Variants in GDPD5 observed in about 807,000 individuals in gnomAD.
GDPD5 encodes the protein glycerophosphodiester phosphodiesterase 2.
Under a neutral mutation model 75.1 loss-of-function variants are expected in GDPD5, and 48 were observed. That is an observed-to-expected ratio of 0.64 (90% CI 0.51 to 0.81). The LOEUF is 0.81. Ranked by LOEUF, GDPD5 falls within the 40% of genes least tolerant of loss-of-function variation. The probability of loss-of-function intolerance (pLI) is 0.00; values close to 1 mark genes in which losing one functional copy is unlikely to be tolerated. For missense variants in GDPD5, 706 were observed against 822.6 expected, an observed-to-expected ratio of 0.86 and a Z score of 1.73; for synonymous variants, 336 against 339.0, an observed-to-expected ratio of 0.99 and a Z score of 0.10.
At chr11:75,515,274 G>C (rs528752969) in intron 1 of GDPD5, among the ~76,000 whole-genome samples, 1 of 152,234 alleles carries the variant, frequency 6.6e-6, no homozygotes, top group Admixed American at 6.5e-5. Flanking sequence ...CACCCCGTGG[G>C]GGCCTCCCAC....
intron 1 of GDPD5, among the ~76,000 whole-genome samples, chr11:75,506,309 A>G (rs1379698950): frequency 1.3e-5 from 2 of 152,126 alleles, no homozygotes; most frequent in Non-Finnish European, 2.9e-5. Context: ...AGCCCCAGGG[A>G]GGAAGAAGGA....
chr11:75,442,346 G>T lies in GDPD5; in HGVS notation c.1167+17C>A. 1 of 1,535,442 alleles carries T rather than the reference G, an allele frequency of 6.5e-7. No individual in the cohort carries two copies. Among genetic ancestry groups the T allele is most frequent in the Non-Finnish European group, 8.8e-7 (1 of 1,137,448 alleles). Reference sequence around the variant, plus strand: ...GGCCAGGGCTCCCGGGGGCAGAGCTGCGTTGCAGGGCCTCACCTGGTGCTG... The same window carrying T: ...GGCCAGGGCTCCCGGGGGCAGAGCTTCGTTGCAGGGCCTCACCTGGTGCTG... On this transcript the variant is annotated intron_variant, in intron 12 of 16. Transcript: ENST00000336898.
chr11:75,490,396 T>A lies in GDPD5; in HGVS notation c.-144-76A>T, dbSNP rs377310645. On this transcript the variant is annotated intron_variant, in intron 1 of 16. Transcript: ENST00000336898. ...GCCTTCTACTGTCCCACGTGACCCT[T>A]AGTGAGCACCCATCCTGTTCCCTCC... 11 of 152,380 alleles carry A rather than the reference T, an allele frequency of 7.2e-5. No homozygotes were observed. The East Asian group carries it at 2.1e-3, about 29-fold the overall frequency. 9.4% of individuals were successfully genotyped at this position (152,380 alleles called of 1,614,324 possible).
intron 2 of GDPD5, chr11:75,479,477 A>G (rs1949856408): frequency 1.3e-5 from 2 of 152,242 alleles, no homozygotes; most frequent in South Asian, 2.1e-4. Flanking sequence ...TGCAGAAACT[A>G]TAACAGCAGC....
intron 1 of GDPD5, among the ~76,000 whole-genome samples, chr11:75,517,071 C>A (rs1346678993): frequency 1.3e-5 from 2 of 152,146 alleles, no homozygotes; most frequent in African/African-American, 2.4e-5. Context: ...GCGGGCCAAA[C>A]AGAGGATTGA....
intron 9 of GDPD5, among the ~76,000 whole-genome samples, chr11:75,446,304 G>T (rs1948986234): frequency 6.6e-6 from 1 of 152,156 alleles, no homozygotes; most frequent in South Asian, 2.1e-4. Flanking sequence ...TGGAGAAAGA[G>T]ATATGGAAAC....
chr11:75,464,856 G>A (rs765744430), intron 3 of GDPD5, among the ~76,000 whole-genome samples: 3 of 151,970 alleles, frequency 2.0e-5, no homozygotes, highest in African/African-American at 4.8e-5. Context: ...TAGAGCAATC[G>A]AACCCTAGGA....
intron 5 of GDPD5, 99 bp from the exon 6 acceptor site, chr11:75,456,915 A>G: frequency 8.2e-7 from 1 of 1,226,154 alleles, no homozygotes; most frequent in Non-Finnish European, 1.2e-6. Context: ...TCTGGGCCTG[A>G]CCCTGGGCAG....
Position 75,443,162 on chromosome 11 carries a change from G to T in GDPD5, c.922C>A (p.Leu308Ile). 6.2e-7 allele frequency: 1 copy of T among 1,604,694 alleles called. No homozygotes were observed. The highest frequency in any genetic ancestry group is 8.5e-7 in the Non-Finnish European group (1 of 1,175,738). ...TTCAGGAACCACTGGCCAGCGTTGA[G>T]TCTCTGCAGGGTGGTCCAGTTAAGC... Reference protein sequence around the residue: ...SMLNWTTLQRLNAGQWFLKTD... With the variant: ...SMLNWTTLQRINAGQWFLKTD... The change falls in exon 11 of 17, where the codon CTC becomes ATC. Residue 308 changes from leucine to isoleucine, a missense_variant. Coordinates refer to ENST00000336898, the MANE Select transcript of GDPD5 (RefSeq NM_030792.8).
At chr11:75,483,359 C>T (rs556222755) in intron 2 of GDPD5, among the ~76,000 whole-genome samples, 3 of 152,320 alleles carry the variant, frequency 2.0e-5, no homozygotes, top group African/African-American at 7.2e-5. Flanking sequence ...GGAATAAACA[C>T]GCACTATGGA....
chr11:75,507,474 T>G (rs1416923991), intron 1 of GDPD5, among the ~76,000 whole-genome samples: 1 of 152,202 alleles, frequency 6.6e-6, no homozygotes. Context: ...CCAGGCAGAA[T>G]CTTTCCCAGG....
intron 9 of GDPD5, among the ~76,000 whole-genome samples, chr11:75,447,085 G>A (rs952227646): frequency 1.3e-5 from 2 of 152,124 alleles, no homozygotes; most frequent in Non-Finnish European, 2.9e-5. Flanking sequence ...GTTTCTCCAT[G>A]TTGATCAGGC....
intron 1 of GDPD5, among the ~76,000 whole-genome samples, chr11:75,517,008 C>T (rs994220659): frequency 4.6e-5 from 7 of 152,156 alleles, no homozygotes; most frequent in Non-Finnish European, 8.8e-5. Context: ...ACCCGGAGAT[C>T]CACTCCTTAT....
chr11:75,513,048 A>G (rs1488612839), intron 1 of GDPD5, among the ~76,000 whole-genome samples: 1 of 152,208 alleles, frequency 6.6e-6, no homozygotes, highest in African/African-American at 2.4e-5. Flanking sequence ...ACACAATGCC[A>G]CGTCTAGACA....
At chr11:75,444,343 G>A in intron 10 of GDPD5, 70 bp downstream of exon 10, 1 of 1,152,874 alleles carries the variant, frequency 8.7e-7, no homozygotes, top group South Asian at 1.2e-5. Flanking sequence ...GGTTCCCCCA[G>A]CAGAGACCCA....
At chr11:75,444,147 TGA>T (rs1320411112) in intron 10 of GDPD5, among the ~76,000 whole-genome samples, 2 of 152,236 alleles carry the variant, frequency 1.3e-5, no homozygotes, top group Non-Finnish European at 2.9e-5. Flanking sequence ...ATTTCCCTCA[TGA>T]GAGTGTTGTA....
At chr11:75,440,023 C>T in intron 14 of GDPD5, 62 bp from the exon 15 acceptor site, 2 of 1,351,644 alleles carry the variant, frequency 1.5e-6, no homozygotes, top group East Asian at 4.7e-5. Context: ...AGGCTCCAGA[C>T]TGAGGGTCCG....
chr11:75,496,779 C>CTTTTTTT (rs544914858), intron 1 of GDPD5, among the ~76,000 whole-genome samples: 26 of 103,138 alleles, frequency 2.5e-4, no homozygotes, highest in Admixed American at 5.2e-4. Context: ...TTCTTTCTTT[C>CTTTTTTT]TTTTTTTTTT....
intron 9 of GDPD5, among the ~76,000 whole-genome samples, chr11:75,446,478 AG>A (rs1948990452): frequency 6.6e-6 from 1 of 152,188 alleles, no homozygotes; most frequent in Non-Finnish European, 1.5e-5. Flanking sequence ...GTGGTTACTC[AG>A]GTGGGTGGGA....
Sources: allele counts gnomAD v4.1 joint callset (sites outside exome capture counted in the v4.1 genomes callset), GRCh38; gene constraint gnomAD v4.1.1; transcripts MANE v1.5; gene names NCBI Gene and HGNC (gene_info 2026-07-23, HGNC 2026-07-21).